The following RFX6 variants were observed in gnomAD, a reference collection of about 807,000 sequenced individuals.
RFX6 encodes regulatory factor X6.
RFX6 carries 50 observed loss-of-function variants against 110.8 expected under a neutral mutation model. The ratio of observed to expected loss-of-function variants is 0.45; its 90% CI spans 0.36 to 0.57. RFX6 has a LOEUF of 0.57. Ranked by LOEUF, RFX6 falls within the 20% of genes least tolerant of loss-of-function variation. The pLI, the probability that RFX6 is intolerant of heterozygous loss-of-function variation, is 0.00. For missense variants in RFX6, 990 were observed against 1,127.0 expected (o/e 0.88, Z 1.74); for synonymous variants, 383 against 411.2 (o/e 0.93, Z 0.83).
rs770307619 is a variant in RFX6, at chr6:116,882,422, A to G, written c.560A>G (p.His187Arg). 8 of 1,610,600 alleles carry G rather than the reference A, an allele frequency of 5.0e-6. No homozygotes were observed. In the Admixed American group the frequency reaches 1.2e-4, roughly 24 times the overall value. ...ACAAGGCGGCTTGGAACAAGAGGCC[A>G]TTCAAAGTAAGATACCAGTGAACAT... ...LTTRRLGTRGHSKYHYYGIGI... is the reference protein window; with the variant it reads ...LTTRRLGTRGRSKYHYYGIGI... The change falls in exon 4 of 19, where the codon CAT becomes CGT. Residue 187 changes from histidine to arginine, a missense_variant. Physicochemically the swap from His to Arg is conservative, Grantham distance 29. Coordinates refer to ENST00000332958, the MANE Select transcript of RFX6 (RefSeq NM_173560.4).
At chr6:116,912,408 C>G (rs1012774583) in intron 7 of RFX6, among the ~76,000 whole-genome samples, 1 of 152,000 alleles carries the variant, frequency 6.6e-6, no homozygotes, top group African/African-American at 2.4e-5. Context: ...TCTCAAATGC[C>G]AAATCCAAGG....
At chr6:116,914,438 T>A (rs1488129618) in intron 7 of RFX6, among the ~76,000 whole-genome samples, 1 of 152,172 alleles carries the variant, frequency 6.6e-6, no homozygotes, top group African/African-American at 2.4e-5. Flanking sequence ...TCTGGATATA[T>A]ACAGAAAGGG....
chr6:116,907,789 G>C (rs894697939), intron 6 of RFX6, among the ~76,000 whole-genome samples: 3 of 151,902 alleles, frequency 2.0e-5, no homozygotes, highest in Non-Finnish European at 2.9e-5. Flanking sequence ...CTTAACTTCT[G>C]TCTGTTTGTT....
Position 116,927,116 on chromosome 6 carries a change from G to A in RFX6, c.1975G>A (p.Gly659Arg). 1 of 1,614,090 alleles carries A rather than the reference G, an allele frequency of 6.2e-7. No individual in the cohort carries two copies. ...MASRGSVINQ[G>R]PMAGRPPSVG... ...AAGCCGAGGAAGTGTCATTAACCAA[G>A]GACCAATGGCAGGGAGGCCCCCAAG... is the stretch of plus-strand genomic sequence containing the variant. The change falls in exon 17 of 19, where the codon GGA (glycine) becomes AGA (arginine). Residue 659 changes from glycine (G) to arginine (R), a missense_variant. Coordinates refer to ENST00000332958, the MANE Select transcript of RFX6 (RefSeq NM_173560.4).
At chr6:116,915,586 G>C (rs776488894) in intron 7 of RFX6, among the ~76,000 whole-genome samples, 1 of 151,878 alleles carries the variant, frequency 6.6e-6, no homozygotes, top group Non-Finnish European at 1.5e-5. Context: ...ATAAAACTGT[G>C]TGAAGATTTG....
At position 116,926,941 on chromosome 6, in the gene RFX6, T is replaced by A; in HGVS notation, c.1886-86T>A. On this transcript the variant is annotated intron_variant, in intron 16 of 18. Transcript: ENST00000332958. ...TGAAGCAAGCTGGAAAACAATACAT[T>A]AATAAATCTTTTGAATATTTTTTAA... The A allele has an allele frequency of 3.2e-6, 4 of 1,255,708 alleles. 1 individual carries two copies. Among genetic ancestry groups the A allele is most frequent in the Non-Finnish European group, 2.3e-6 (2 of 860,266 alleles). The allele number at this position is 1,255,708 out of a possible 1,614,324, so 77.8% of individuals were successfully genotyped here.
intron 4 of RFX6, among the ~76,000 whole-genome samples, chr6:116,887,427 G>C (rs1299194632): frequency 1.3e-5 from 2 of 152,238 alleles, no homozygotes; most frequent in East Asian, 1.9e-4. Flanking sequence ...AACCCCAGCG[G>C]CAGACACTGT....
intron 9 of RFX6, among the ~76,000 whole-genome samples, chr6:116,917,320 G>A (rs1305090357): frequency 6.7e-6 from 1 of 148,402 alleles, no homozygotes; most frequent in Non-Finnish European, 1.5e-5. Flanking sequence ...AATTTCAGAG[G>A]AGAGTAAGGA....
At chr6:116,901,110 T>C (rs977965759) in intron 6 of RFX6, among the ~76,000 whole-genome samples, 31 of 152,294 alleles carry the variant, frequency 2.0e-4, no homozygotes, top group Admixed American at 1.9e-3. Context: ...TTAGATGATT[T>C]TGCCCTACTG....
chr6:116,884,797 G>A (rs1774664189), intron 4 of RFX6: 1 of 152,220 alleles, frequency 6.6e-6, no homozygotes, highest in East Asian at 1.9e-4. Flanking sequence ...ACAACATGGG[G>A]TGACTTCGGG....
chr6:116,902,495 A>T (rs944913519), intron 6 of RFX6, among the ~76,000 whole-genome samples: 2 of 152,062 alleles, frequency 1.3e-5, no homozygotes, highest in African/African-American at 4.8e-5. Flanking sequence ...AAATTTCAGA[A>T]ATGTCTTAGA....
chr6:116,919,389 G>T, intron 11 of RFX6, 93 bp downstream of exon 11: 1 of 1,167,692 alleles, frequency 8.6e-7, no homozygotes, highest in East Asian at 2.4e-5. Flanking sequence ...ATAGATTGAA[G>T]GGAGCTAAGT....
At chr6:116,919,414 T>A in intron 11 of RFX6, 118 bp downstream of exon 11, 1 of 910,894 alleles carries the variant, frequency 1.1e-6, no homozygotes, top group Non-Finnish European at 1.8e-6. Context: ...AACAACTAAA[T>A]GCAACGTGAG....
In RFX6 at chr6:116,931,366, TC is replaced by T. The variant is rs1470570285; in HGVS notation, c.2650del (p.Gln884AsnfsTer57). On this transcript the variant is annotated frameshift_variant, in exon 19 of 19. Transcript: ENST00000332958. ...GCAAACCCCAATTCCTTCTTCCTCA[TC>T]CCAATGTATGTATGGAACTTCCAAC... Reference protein sequence around the residue: ...SLQTPIPSSSSQCMYGTSNQY... With the variant: ...SLQTPIPSSSXQCMYGTSNQY... 3.7e-6 allele frequency: 6 copies of T among 1,613,290 alleles called. No individual in the cohort carries two copies. The highest frequency in any genetic ancestry group is 5.1e-6 in the Non-Finnish European group (6 of 1,179,380).
Position 116,927,225 on chromosome 6 carries a change from A to T in RFX6, c.2084A>T (p.Asp695Val). ...CCCACTCTCCCTCAAGCCAATCATG[A>T]CTTTTATAGCACCAGCTCTAACTAC... ...IYPTLPQANH[D>V]FYSTSSNYQT... The change falls in exon 17 of 19, where the codon GAC becomes GTC. Residue 695 changes from aspartate (D) to valine (V), a missense_variant. Around this residue, in one of 5 missense-constraint regions of RFX6, gnomAD observed 438 missense variants for 441.9 expected, o/e 0.99. Transcript: ENST00000332958. 1.9e-6 allele frequency: 3 copies of T among 1,614,176 alleles called. No individual in the cohort carries two copies. Among genetic ancestry groups the T allele is most frequent in the Non-Finnish European group, 2.5e-6 (3 of 1,180,012 alleles).
At chr6:116,907,829 G>A (rs1775239897) in intron 6 of RFX6, among the ~76,000 whole-genome samples, 1 of 152,010 alleles carries the variant, frequency 6.6e-6, no homozygotes, top group Admixed American at 6.5e-5. Flanking sequence ...AGGTGTTAAA[G>A]TCTCCAACAA....
At chr6:116,885,130 TTAGGGACA>T (rs1006465879) in intron 4 of RFX6, 8 of 152,236 alleles carry the variant, frequency 5.3e-5, no homozygotes, top group Non-Finnish European at 1.0e-4. Context: ...AGCCTAATGG[TTAGGGACA>T]TAGGCTTTAA....
Position 116,880,818 on chromosome 6 carries a change from T to A in RFX6, c.504+151T>A, listed in dbSNP as rs142041542. The A allele has an allele frequency of 2.3e-3, 1,886 of 803,622 alleles. 6 individuals carry two copies. The highest frequency in any genetic ancestry group is 3.6e-3 in the Non-Finnish European group (1,733 of 486,062). The allele number at this position is 803,622 out of a possible 1,614,324, so 49.8% of individuals were successfully genotyped here. On this transcript the variant is annotated intron_variant, in intron 3 of 18. Transcript: ENST00000332958. ...TTGTCTTAAGGACTCTGTTTGGAATTGCTATATGTTTATAACTTGATTTTG... is the reference window on the plus strand; with the variant it reads ...TTGTCTTAAGGACTCTGTTTGGAATAGCTATATGTTTATAACTTGATTTTG...
At chr6:116,917,900 T>TA (rs1775502567) in intron 9 of RFX6, 137 bp from the exon 10 acceptor site, 1 of 650,912 alleles carries the variant, frequency 1.5e-6, no homozygotes, top group Non-Finnish European at 2.7e-6. Flanking sequence ...ATTTTGGAGA[T>TA]AAAATTATAA....
Sources: gnomAD v4.1 joint callset for allele counts (sites outside exome capture counted in the v4.1 genomes callset) on GRCh38, gnomAD v4.1.1 for gene constraint, gnomAD v4.1.1 regional missense constraint, MANE v1.5 for transcripts, NCBI Gene and HGNC (gene_info 2026-07-23, HGNC 2026-07-21) for gene names.